SHISA6: variants seen among roughly 807,000 people sequenced by gnomAD.
SHISA6 encodes shisa family member 6.
Under a neutral mutation model 47.9 loss-of-function variants are expected in SHISA6, and 22 were observed. That is an observed-to-expected ratio of 0.46 (90% CI 0.33 to 0.66). The LOEUF is 0.66. Ranked by LOEUF, SHISA6 falls within the 30% of genes least tolerant of loss-of-function variation. The pLI is 0.02. For synonymous variants in SHISA6, 388 were observed against 337.8 expected (o/e 1.15, Z -1.63); for missense variants, 680 against 764.6 (o/e 0.89, Z 1.30).
At chr17:11,246,943 C>T (rs1171247931) in intron 1 of SHISA6, among the ~76,000 whole-genome samples, 1 of 152,172 alleles carries the variant, frequency 6.6e-6, no homozygotes, top group African/African-American at 2.4e-5. Flanking sequence ...CTTCATGTCC[C>T]TTCCTGCCCC....
At chr17:11,294,503 C>G (rs1052241036) in intron 2 of SHISA6, among the ~76,000 whole-genome samples, 3 of 152,166 alleles carry the variant, frequency 2.0e-5, no homozygotes, top group Non-Finnish European at 4.4e-5. Context: ...TCCCCGCGTG[C>G]GAGGCTGCTC....
At chr17:11,548,974 T>C (rs568583228) in intron 3 of SHISA6, among the ~76,000 whole-genome samples, 1 of 152,342 alleles carries the variant, frequency 6.6e-6, no homozygotes, top group South Asian at 2.1e-4. Context: ...TGTGCATAAG[T>C]AAATGTATGT....
At chr17:11,319,548 G>A (rs2142194770) in intron 2 of SHISA6, among the ~76,000 whole-genome samples, 1 of 152,206 alleles carries the variant, frequency 6.6e-6, no homozygotes, top group Middle Eastern at 3.4e-3. Context: ...TCATACTGCT[G>A]TTCTCCTTGA....
intron 2 of SHISA6, among the ~76,000 whole-genome samples, chr17:11,273,092 T>TAAA (rs1908741926): frequency 6.6e-6 from 1 of 152,222 alleles, no homozygotes; most frequent in Non-Finnish European, 1.5e-5. Context: ...CTGACCTATC[T>TAAA]AATTCTTGTA....
intron 3 of SHISA6, among the ~76,000 whole-genome samples, chr17:11,530,737 C>T (rs1191336585): frequency 6.6e-6 from 1 of 152,162 alleles, no homozygotes; most frequent in Non-Finnish European, 1.5e-5. Flanking sequence ...TTAAGATGTT[C>T]TTCTTTGTGG....
intron 2 of SHISA6, among the ~76,000 whole-genome samples, chr17:11,358,149 T>C (rs1353551468): frequency 6.6e-6 from 1 of 152,214 alleles, no homozygotes; most frequent in East Asian, 1.9e-4. Context: ...TATTTATCTT[T>C]TAAAACTAAC....
chr17:11,263,435 G>T lies in SHISA6; in HGVS notation c.708G>T (p.Ser236=). The part of the protein sequence containing the change: ...PIAHCERETI[S]AIDTSPKENT... ...CACACTGTGAAAGAGAAACTATCTC[G>T]GCTATCGATACCTCTCCCAAAGAGA... Residue 236 remains serine (S), a synonymous_variant, in exon 2 of 6, where the codon TCG becomes TCT. Transcript: ENST00000441885. 6.4e-7 allele frequency: 1 copy of T among 1,551,838 alleles called. No individual in the cohort carries two copies. Among genetic ancestry groups the T allele is most frequent in the Non-Finnish European group, 8.7e-7 (1 of 1,147,034 alleles).
At chr17:11,267,524 C>G (rs1165848422) in intron 2 of SHISA6, among the ~76,000 whole-genome samples, 1 of 152,102 alleles carries the variant, frequency 6.6e-6, no homozygotes, top group Non-Finnish European at 1.5e-5. Context: ...TTTACTTGGT[C>G]TATAGTAGGA....
At position 11,560,665 on chromosome 17, in the gene SHISA6, C is replaced by T. The variant is rs1199717026; in HGVS notation, c.*2361C>T. The T allele has an allele frequency of 6.6e-6, 1 of 152,248 alleles. No homozygotes were observed. Among genetic ancestry groups the T allele is most frequent in the African/African-American group, 2.4e-5 (1 of 41,408 alleles). 9.4% of individuals were successfully genotyped at this position (152,248 alleles called of 1,614,324 possible). A position where few individuals can be genotyped will look rare whatever the true frequency, so the allele number is the denominator to read the frequency against. On this transcript the variant is annotated 3_prime_UTR_variant, in exon 6 of 6. Transcript: ENST00000441885. Reference sequence around the variant, plus strand: ...TCTCCAGTGTCAAAGCTTCTCAGCACCAAGTTCTCCAGCCCCCAGGGTGAC... The same window carrying T: ...TCTCCAGTGTCAAAGCTTCTCAGCATCAAGTTCTCCAGCCCCCAGGGTGAC...
intron 3 of SHISA6, among the ~76,000 whole-genome samples, chr17:11,512,118 G>A (rs950403323): frequency 2.0e-5 from 3 of 152,112 alleles, no homozygotes; most frequent in African/African-American, 4.8e-5. Flanking sequence ...ATTTCATGTC[G>A]GCACCCTTTG....
At chr17:11,529,167 T>C (rs4791470) in intron 3 of SHISA6, among the ~76,000 whole-genome samples, 50,081 of 150,902 alleles carry the variant, frequency 0.33, 8,766 homozygotes, top group East Asian at 0.51. Context: ...CACTCCAGCC[T>C]GGGTGACAGT....
intron 3 of SHISA6, among the ~76,000 whole-genome samples, chr17:11,486,616 A>C (rs1460118929): frequency 6.6e-6 from 1 of 152,194 alleles, no homozygotes; most frequent in African/African-American, 2.4e-5. Flanking sequence ...TGTTATCCTT[A>C]AGTGCCTTTC....
intron 3 of SHISA6, among the ~76,000 whole-genome samples, chr17:11,526,020 A>AT (rs199940787): frequency 4.6e-5 from 7 of 151,522 alleles, no homozygotes; most frequent in African/African-American, 1.7e-4. Flanking sequence ...AAAGAAAAAA[A>AT]AAAAACCTGT....
intron 2 of SHISA6, chr17:11,288,373 A>G (rs561069105): frequency 2.6e-5 from 4 of 152,172 alleles, no homozygotes; most frequent in Non-Finnish European, 5.9e-5. Context: ...TTTCACACCT[A>G]AAACAGCAGG....
chr17:11,549,096 T>A (rs879837584), intron 3 of SHISA6, among the ~76,000 whole-genome samples: 11 of 152,224 alleles, frequency 7.2e-5, no homozygotes, highest in Non-Finnish European at 1.3e-4. Flanking sequence ...GCTATTTTAA[T>A]TCATTTTAAA....
intron 2 of SHISA6, among the ~76,000 whole-genome samples, chr17:11,333,660 G>T (rs1911214421): frequency 6.6e-6 from 1 of 152,068 alleles, no homozygotes; most frequent in African/African-American, 2.4e-5. Flanking sequence ...GATTACAGAT[G>T]CATGCCACCA....
At position 11,560,729 on chromosome 17, in the gene SHISA6, C is replaced by G. The variant is rs1218866609; in HGVS notation, c.*2425C>G. ...GGTCCTCCCCAAGCCCTGTCTCTGA[C>G]AGGGTTTCTGTCTCTCTCAGGGGTT... is the stretch of plus-strand genomic sequence containing the variant. On this transcript the variant is annotated 3_prime_UTR_variant, in exon 6 of 6. Transcript: ENST00000441885. The G allele has an allele frequency of 6.6e-6, 1 of 152,338 alleles. No individual in the cohort carries two copies. Among genetic ancestry groups the G allele is most frequent in the East Asian group, 1.9e-4 (1 of 5,166 alleles). The allele number at this position is 152,338 out of a possible 1,614,324, so 9.4% of individuals were successfully genotyped here.
chr17:11,270,986 G>C (rs1339575371), intron 2 of SHISA6, among the ~76,000 whole-genome samples: 1 of 152,166 alleles, frequency 6.6e-6, no homozygotes, highest in Non-Finnish European at 1.5e-5. Context: ...GGTTCATGAG[G>C]CCTGATGAAT....
At chr17:11,404,969 AC>A (rs1163888897) in intron 3 of SHISA6, among the ~76,000 whole-genome samples, 1 of 152,192 alleles carries the variant, frequency 6.6e-6, no homozygotes, top group Non-Finnish European at 1.5e-5. Flanking sequence ...TGATTTCTGC[AC>A]AAGAGCAATC....
Sources: gnomAD v4.1 joint callset for allele counts (sites outside exome capture counted in the v4.1 genomes callset) on GRCh38, gnomAD v4.1.1 for gene constraint, MANE v1.5 for transcripts, NCBI Gene and HGNC (gene_info 2026-07-23, HGNC 2026-07-21) for gene names.